RLF: variants seen among roughly 807,000 people sequenced by gnomAD.
The protein encoded by RLF is RLF zinc finger, also known as zinc finger protein Rlf.
Under a neutral mutation model 162.9 loss-of-function variants are expected in RLF, and 7 were observed. That is an observed-to-expected ratio of 0.04 (90% CI 0.02 to 0.08). RLF has a LOEUF of 0.08. Ranked by LOEUF, RLF falls within the 10% of genes least tolerant of loss-of-function variation. The pLI is 1.00. For synonymous variants in RLF, 782 were observed against 791.5 expected (o/e 0.99, Z 0.20); for missense variants, 1,664 against 2,244.7 (o/e 0.74, Z 5.23).
chr1:40,191,089 A>G (rs898867298), intron 3 of RLF, among the ~76,000 whole-genome samples: 5 of 152,224 alleles, frequency 3.3e-5, no homozygotes, highest in African/African-American at 1.2e-4. Context: ...TCATTATTCA[A>G]ACATAAAGTT....
At chr1:40,169,549 G>A (rs1455071251) in intron 1 of RLF, among the ~76,000 whole-genome samples, 3 of 146,318 alleles carry the variant, frequency 2.1e-5, no homozygotes, top group Non-Finnish European at 3.0e-5. Context: ...CCGGGAGGCG[G>A]AGCTTGCAGT....
At chr1:40,235,359 A>G (rs1381511519) in intron 7 of RLF, among the ~76,000 whole-genome samples, 2 of 151,930 alleles carry the variant, frequency 1.3e-5, no homozygotes, top group Non-Finnish European at 2.9e-5. Context: ...AGCCAAAGAG[A>G]ATTTCTTAAA....
intron 7 of RLF, among the ~76,000 whole-genome samples, chr1:40,233,765 G>T (rs902791987): frequency 1.3e-5 from 2 of 152,180 alleles, no homozygotes; most frequent in African/African-American, 4.8e-5. Flanking sequence ...AAGGTAGGGA[G>T]TTATCTCAAT....
chr1:40,182,235 C>T (rs1436872979), intron 1 of RLF, among the ~76,000 whole-genome samples: 1 of 152,026 alleles, frequency 6.6e-6, no homozygotes, highest in Non-Finnish European at 1.5e-5. Flanking sequence ...AGATCGAGAC[C>T]ATCCTGGCCA....
chr1:40,204,386 A>G (rs1485652316), intron 5 of RLF, among the ~76,000 whole-genome samples: 1 of 151,570 alleles, frequency 6.6e-6, no homozygotes, highest in African/African-American at 2.4e-5. Flanking sequence ...CACCTACTCT[A>G]TGTGTTTACC....
chr1:40,221,282 C>T (rs866217669), intron 5 of RLF, among the ~76,000 whole-genome samples: 27 of 151,204 alleles, frequency 1.8e-4, no homozygotes, highest in Admixed American at 1.8e-3. Context: ...ATAATATTGC[C>T]TGCCTTGCCA....
At chr1:40,167,115 C>G (rs1367260945) in intron 1 of RLF, among the ~76,000 whole-genome samples, 1 of 152,104 alleles carries the variant, frequency 6.6e-6, no homozygotes, top group Non-Finnish European at 1.5e-5. Context: ...TATACATTTA[C>G]ACGTGTGCAG....
chr1:40,239,549 G>C lies in RLF; in HGVS notation c.4847G>C (p.Arg1616Thr). The C allele has an allele frequency of 6.2e-7, 1 of 1,614,106 alleles. No homozygotes were observed. The change falls in exon 8 of 8, where the codon AGA (arginine) becomes ACA (threonine). Residue 1616 changes from arginine to threonine, a missense_variant. Coordinates refer to ENST00000372771, the MANE Select transcript of RLF (RefSeq NM_012421.4). ...CCCTGTATAAAGAAAGAAGAAAATA[G>C]AAGCTGTGAATCAGAGCGCACAGAA... ...ADPCIKKEENRSCESERTEHS... is the reference protein window; with the variant it reads ...ADPCIKKEENTSCESERTEHS...
intron 3 of RLF, among the ~76,000 whole-genome samples, chr1:40,193,162 T>C (rs933900130): frequency 6.6e-6 from 1 of 151,242 alleles, no homozygotes; most frequent in South Asian, 2.1e-4. Flanking sequence ...TCTTGTGCTA[T>C]TATTTCTGTA....
At chr1:40,204,584 A>T (rs1389247583) in intron 5 of RLF, among the ~76,000 whole-genome samples, 4 of 151,194 alleles carry the variant, frequency 2.6e-5, no homozygotes, top group South Asian at 4.2e-4. Flanking sequence ...TTTATTTTTT[A>T]TTTATTTTTT....
rs144976861 is a variant in RLF, at chr1:40,238,853, G to T, written c.4151G>T (p.Ser1384Ile). 1.2e-4 allele frequency: 187 copies of T among 1,614,194 alleles called. No homozygotes were observed. In the African/African-American group the frequency reaches 2.3e-3, roughly 20 times the overall value. The change falls in exon 8 of 8, where the codon AGT becomes ATT. Residue 1384 changes from serine (S) to isoleucine (I), a missense_variant. Transcript: ENST00000372771. This position sits in a 1 kb window ranked among gnomAD's most constrained non-coding sequence, Gnocchi z 5.2. The part of the protein sequence containing the change: ...LCSKALAKHC[S>I]DSHNLDHIEE... ...TCCAAAGCTCTTGCTAAGCACTGTA[G>T]TGATTCTCATAACCTAGACCATATT...
intron 1 of RLF, among the ~76,000 whole-genome samples, chr1:40,174,697 T>A (rs2124526952): frequency 6.6e-6 from 1 of 152,358 alleles, no homozygotes; most frequent in East Asian, 1.9e-4. Context: ...GTGAGATTTT[T>A]AAAAACTCAT....
chr1:40,234,105 T>C lies in RLF; in HGVS notation c.1090-1687T>C, dbSNP rs374107399. Among the ~76,000 whole-genome samples the C allele has an allele frequency of 8.5e-5, 13 of 152,308 alleles. 1 individual carries two copies. The highest frequency in any genetic ancestry group is 3.9e-4 in the East Asian group (2 of 5,182). On this transcript the variant is annotated intron_variant, in intron 7 of 7. Coordinates refer to ENST00000372771, the MANE Select transcript of RLF (RefSeq NM_012421.4). ...CTGGGGCTTTGGGCCTGCATCACCA[T>C]GCCTGGCTAATTTTTTGTATTTTTA... is the stretch of plus-strand genomic sequence containing the variant.
At position 40,236,471 on chromosome 1, in the gene RLF, A is replaced by G; in HGVS notation, c.1769A>G (p.Lys590Arg). The G allele has an allele frequency of 6.2e-7, 1 of 1,613,830 alleles. No homozygotes were observed. Among genetic ancestry groups the G allele is most frequent in the Non-Finnish European group, 8.5e-7 (1 of 1,179,928 alleles). Residue 590 changes from lysine (K) to arginine (R), a missense_variant, in exon 8 of 8, where the codon AAA (lysine) becomes AGA (arginine). Coordinates refer to ENST00000372771, the MANE Select transcript of RLF (RefSeq NM_012421.4). This position sits in a 1 kb window ranked among gnomAD's most constrained non-coding sequence, Gnocchi z 7.7. Reference protein sequence around the residue: ...GIYTCPVCIKKFKRKEMFVPH... With the variant: ...GIYTCPVCIKRFKRKEMFVPH... ...TACACCTGTCCAGTTTGTATTAAAA[A>G]ATTTAAGAGAAAAGAAATGTTTGTT...
At chr1:40,178,440 C>T (rs1402474608) in intron 1 of RLF, among the ~76,000 whole-genome samples, 4 of 152,050 alleles carry the variant, frequency 2.6e-5, no homozygotes, top group Non-Finnish European at 5.9e-5. Flanking sequence ...TTCAGAGTTT[C>T]AGCTTTGTAA....
At position 40,239,488 on chromosome 1, in the gene RLF, A is replaced by G. The variant is rs769765099; in HGVS notation, c.4786A>G (p.Thr1596Ala). ...ENLVVCVKYG[T>A]KIKEEPPSEA... Reference sequence around the variant, plus strand: ...TCTTGTTGTTTGCGTTAAGTACGGTACCAAAATTAAGGAGGAACCCCCTTC... The same window carrying G: ...TCTTGTTGTTTGCGTTAAGTACGGTGCCAAAATTAAGGAGGAACCCCCTTC... Residue 1596 changes from threonine (T) to alanine (A), a missense_variant, in exon 8 of 8, where the codon ACC becomes GCC. This residue lies in a region of RLF where 327 missense variants were observed against 342.7 expected (regional missense o/e 0.95). Transcript: ENST00000372771. 63 of 1,613,888 alleles carry G rather than the reference A, an allele frequency of 3.9e-5. No individual in the cohort carries two copies. The Middle Eastern group carries it at 1.8e-3, about 46-fold the overall frequency.
chr1:40,207,578 T>C (rs1479434707), intron 5 of RLF, among the ~76,000 whole-genome samples: 1 of 152,144 alleles, frequency 6.6e-6, no homozygotes, highest in Non-Finnish European at 1.5e-5. Context: ...CCAGATCATA[T>C]CTCCCACTGT....
At chr1:40,234,982 C>G (rs1372421463) in intron 7 of RLF, among the ~76,000 whole-genome samples, 2 of 151,180 alleles carry the variant, frequency 1.3e-5, no homozygotes, top group Admixed American at 1.3e-4. Flanking sequence ...CAGATTCTTT[C>G]AGGAGGAAAT....
At position 40,239,837 on chromosome 1, in the gene RLF, A is replaced by G. The variant is rs1286155076; in HGVS notation, c.5135A>G (p.Tyr1712Cys). The change falls in exon 8 of 8, where the codon TAT (tyrosine) becomes TGT (cysteine). Residue 1712 changes from tyrosine (Y) to cysteine (C), a missense_variant. Around this residue, in one of 15 missense-constraint regions of RLF, gnomAD observed 327 missense variants for 342.7 expected, o/e 0.95. Coordinates refer to ENST00000372771, the MANE Select transcript of RLF (RefSeq NM_012421.4). The stretch of plus-strand genomic sequence containing the variant: ...CCCAATGGGACTGAAAGTGGGACTT[A>G]TTTCACAAGTTTCCAGCTGCCTTTA... ...PNPNGTESGT[Y>C]FTSFQLPLPR... The G allele has an allele frequency of 4.3e-6, 7 of 1,613,986 alleles. No individual in the cohort carries two copies. In the South Asian group the frequency reaches 6.6e-5, roughly 15 times the overall value.
Sources: allele counts gnomAD v4.1 joint callset (sites outside exome capture counted in the v4.1 genomes callset), GRCh38; gene constraint gnomAD v4.1.1; regional missense constraint gnomAD v4.1.1; non-coding constraint Gnocchi (gnomAD v3.1); transcripts MANE v1.5; gene names NCBI Gene and HGNC (gene_info 2026-07-23, HGNC 2026-07-21).